The following KCNN2 variants were observed in gnomAD, a reference collection of about 807,000 sequenced individuals.
KCNN2 encodes the protein small conductance calcium-activated potassium channel protein 2.
KCNN2 carries 24 observed loss-of-function variants against 55.5 expected under a neutral mutation model. That is an observed-to-expected ratio of 0.43 (90% CI 0.31 to 0.61). The LOEUF is 0.61. KCNN2 is among the 20% of genes least tolerant of loss of function. The pLI, the probability that KCNN2 is intolerant of heterozygous loss-of-function variation, is 0.08. For synonymous variants in KCNN2, 431 were observed against 336.1 expected (o/e 1.28, Z -3.09); for missense variants, 754 against 853.6 (o/e 0.88, Z 1.45).
At chr5:114,102,634 C>T (rs1751395709) in intron 1 of KCNN2, among the ~76,000 whole-genome samples, 1 of 152,090 alleles carries the variant, frequency 6.6e-6, no homozygotes, top group African/African-American at 2.4e-5. Context: ...GGGAGGGGTC[C>T]AGTTTCAGTT....
chr5:114,110,069 A>G lies in KCNN2; in HGVS notation c.-271+53569A>G, dbSNP rs376767785. 4.5e-4 allele frequency among the ~76,000 whole-genome samples: 68 copies of G among 151,760 alleles called. No individual in the cohort carries two copies. The South Asian group carries it at 0.013, about 30-fold the overall frequency. On this transcript the variant is annotated intron_variant, in intron 1 of 10. Coordinates refer to the KCNN2 transcript ENST00000512097. ...TTCCTCCATGTGAGAGCATAATGTT[A>G]CTCCCCTCTAATGGATGCAGCCCTC...
intron 2 of KCNN2, among the ~76,000 whole-genome samples, chr5:114,374,971 T>G (rs1757888869): frequency 6.6e-6 from 1 of 152,188 alleles, no homozygotes. Flanking sequence ...GTCAGGAGGC[T>G]TTCGTTTTCC....
intron 2 of KCNN2, among the ~76,000 whole-genome samples, chr5:114,299,560 C>T (rs189782001): frequency 9.3e-4 from 141 of 152,326 alleles, no homozygotes; most frequent in African/African-American, 3.3e-3. Flanking sequence ...GGGATAGGTA[C>T]TAATGTATAC....
chr5:114,338,350 A>C (rs1474555145), intron 2 of KCNN2, among the ~76,000 whole-genome samples: 1 of 152,190 alleles, frequency 6.6e-6, no homozygotes, highest in African/African-American at 2.4e-5. Flanking sequence ...GGGACAAATA[A>C]ATAGAATATT....
At chr5:114,155,483 A>G (rs1752611594) in intron 1 of KCNN2, among the ~76,000 whole-genome samples, 1 of 152,156 alleles carries the variant, frequency 6.6e-6, no homozygotes, top group Non-Finnish European at 1.5e-5. Context: ...ATAATGGCTG[A>G]ACTAATTTAC....
At chr5:114,423,331 A>G (rs901677790) in intron 3 of KCNN2, among the ~76,000 whole-genome samples, 4 of 151,988 alleles carry the variant, frequency 2.6e-5, no homozygotes, top group African/African-American at 9.7e-5. Flanking sequence ...GTTCCTACTC[A>G]CCCCCACAGC....
chr5:114,170,115 G>A (rs1238951176), intron 1 of KCNN2, among the ~76,000 whole-genome samples: 2 of 151,924 alleles, frequency 1.3e-5, no homozygotes. Context: ...CTGTTGCTAG[G>A]AATAACCTCA....
intron 1 of KCNN2, among the ~76,000 whole-genome samples, chr5:114,162,502 T>C (rs1298400157): frequency 6.6e-6 from 1 of 152,176 alleles, no homozygotes; most frequent in East Asian, 1.9e-4. Flanking sequence ...GGCTGTGTGC[T>C]GGGAGAACCA....
intron 1 of KCNN2, among the ~76,000 whole-genome samples, chr5:114,085,032 T>C (rs1750983966): frequency 7.1e-6 from 1 of 140,138 alleles, no homozygotes; most frequent in Admixed American, 7.5e-5. Context: ...TATTTTCTGT[T>C]CCATTGATTA....
chr5:114,449,058 C>T (rs1580849093), intron 3 of KCNN2, among the ~76,000 whole-genome samples: 1 of 152,206 alleles, frequency 6.6e-6, no homozygotes, highest in East Asian at 1.9e-4. Flanking sequence ...GCTGAGGGGG[C>T]CCAAAAATGA....
At position 114,118,567 on chromosome 5, in the gene KCNN2, T is replaced by C. The variant is rs190311290; in HGVS notation, c.-271+62067T>C. On this transcript the variant is annotated intron_variant, in intron 1 of 10. Transcript: ENST00000512097. ...TAAGAGGAGGAAGACAGATGCCTTC[T>C]TCCTCTGGCTTTGGTTCAGGCCCTC... 5.9e-5 allele frequency among the ~76,000 whole-genome samples: 9 copies of C among 152,036 alleles called. No homozygotes were observed. The South Asian group carries it at 6.3e-4, about 11-fold the overall frequency.
At chr5:114,289,024 A>G (rs1293251946) in intron 2 of KCNN2, among the ~76,000 whole-genome samples, 2 of 152,162 alleles carry the variant, frequency 1.3e-5, no homozygotes, top group Admixed American at 1.3e-4. Flanking sequence ...TAATTTGTGC[A>G]GATGGCGTAG....
chr5:114,120,866 A>G (rs932184936), intron 1 of KCNN2, among the ~76,000 whole-genome samples: 1 of 152,204 alleles, frequency 6.6e-6, no homozygotes, highest in Non-Finnish European at 1.5e-5. Flanking sequence ...ATATTTTATA[A>G]GTATGTATCT....
At chr5:114,142,231 C>T (rs576474667) in intron 1 of KCNN2, among the ~76,000 whole-genome samples, 35 of 152,196 alleles carry the variant, frequency 2.3e-4, no homozygotes, top group African/African-American at 8.2e-4. Context: ...AATGGTATTA[C>T]CTAGGTTTTC....
chr5:114,483,299 C>T (rs1324364876), intron 5 of KCNN2, among the ~76,000 whole-genome samples: 2 of 131,008 alleles, frequency 1.5e-5, no homozygotes, highest in Non-Finnish European at 3.1e-5. Flanking sequence ...TTTTGAGAGA[C>T]GGAGTCGCTT....
chr5:114,241,468 A>G (rs1462936172), intron 2 of KCNN2, among the ~76,000 whole-genome samples: 2 of 151,542 alleles, frequency 1.3e-5, no homozygotes, highest in South Asian at 2.1e-4. Flanking sequence ...GACTGGTGAA[A>G]ACTAAAATAT....
At chr5:114,232,582 G>A (rs1754383918) in intron 2 of KCNN2, among the ~76,000 whole-genome samples, 1 of 150,996 alleles carries the variant, frequency 6.6e-6, no homozygotes, top group Non-Finnish European at 1.5e-5. Context: ...CAATATATCA[G>A]GCTTAACCAA....
chr5:114,067,058 C>T (rs988314694), intron 1 of KCNN2, among the ~76,000 whole-genome samples: 5 of 152,154 alleles, frequency 3.3e-5, no homozygotes, highest in Admixed American at 1.3e-4. Flanking sequence ...TTCATTTTCC[C>T]CACTTAGGTA....
intron 1 of KCNN2, among the ~76,000 whole-genome samples, chr5:114,138,270 C>T (rs1326528173): frequency 6.6e-6 from 1 of 152,116 alleles, no homozygotes; most frequent in African/African-American, 2.4e-5. Flanking sequence ...TGTCTTTAGG[C>T]AGTTCATATT....
Sources: gnomAD v4.1 joint callset for allele counts (sites outside exome capture counted in the v4.1 genomes callset) on GRCh38, gnomAD v4.1.1 for gene constraint, MANE v1.5 for transcripts, NCBI Gene and HGNC (gene_info 2026-07-23, HGNC 2026-07-21) for gene names.